TTC3: variants seen among roughly 807,000 people sequenced by gnomAD.
TTC3 encodes the protein E3 ubiquitin-protein ligase TTC3.
TTC3 carries 180 observed loss-of-function variants against 249.6 expected under a neutral mutation model. That is an observed-to-expected ratio of 0.72 (90% CI 0.64 to 0.82). TTC3 has a LOEUF of 0.82. Ranked by LOEUF, TTC3 falls within the 40% of genes least tolerant of loss-of-function variation. The pLI is 0.00. For synonymous variants in TTC3, 717 were observed against 805.0 expected, an observed-to-expected ratio of 0.89 and a Z score of 1.85; for missense variants, 2,061 against 2,398.4, an observed-to-expected ratio of 0.86 and a Z score of 2.94.
At chr21:37,153,472 T>C (rs1413304853) in intron 27 of TTC3, 195 bp downstream of exon 27, 1 of 564,870 alleles carries the variant, frequency 1.8e-6, no homozygotes, top group Non-Finnish European at 2.9e-6. Context: ...CTCAGGAATT[T>C]GAGACCAACC....
At chr21:37,099,505 A>G (rs1387158894) in intron 10 of TTC3, among the ~76,000 whole-genome samples, 2 of 152,222 alleles carry the variant, frequency 1.3e-5, no homozygotes, top group African/African-American at 4.8e-5. Flanking sequence ...AGGGAATGTG[A>G]AAGTCGAAAA....
chr21:37,099,955 C>T lies in TTC3; in HGVS notation c.845+3312C>T, dbSNP rs9977428. Reference sequence around the variant, plus strand: ...AATTCTATATGGCAGTTAAAATGAACGCAATGTTGAGTGAAAAAGCAAGTC... The same window carrying T: ...AATTCTATATGGCAGTTAAAATGAATGCAATGTTGAGTGAAAAAGCAAGTC... On this transcript the variant is annotated intron_variant, in intron 10 of 45. Transcript: ENST00000355666. 3.7e-3 allele frequency among the ~76,000 whole-genome samples: 570 copies of T among 152,226 alleles called. 5 individuals are homozygous for T. The highest frequency in any genetic ancestry group is 5.6e-3 in the African/African-American group (233 of 41,538).
intron 11 of TTC3, among the ~76,000 whole-genome samples, chr21:37,119,711 C>A (rs1250220237): frequency 6.6e-6 from 1 of 152,170 alleles, no homozygotes; most frequent in African/African-American, 2.4e-5. Flanking sequence ...TTCATACTCT[C>A]TTTTGTTGCC....
intron 20 of TTC3, among the ~76,000 whole-genome samples, chr21:37,143,446 A>C (rs943847219): frequency 1.4e-4 from 22 of 152,166 alleles, no homozygotes; most frequent in African/African-American, 3.1e-4. Flanking sequence ...ATGAACAGAC[A>C]CTTCTCAAAA....
chr21:37,140,109 ACAGAGCTTT>A (rs2078299440), intron 19 of TTC3, among the ~76,000 whole-genome samples: 6 of 152,204 alleles, frequency 3.9e-5, no homozygotes, highest in Admixed American at 2.6e-4. Flanking sequence ...TGTTTTTAAG[ACAGAGCTTT>A]CATCCGTCTT....
At chr21:37,092,711 G>A (rs190801136) in intron 7 of TTC3, among the ~76,000 whole-genome samples, 75 of 152,126 alleles carry the variant, frequency 4.9e-4, no homozygotes, top group Non-Finnish European at 8.7e-4. Context: ...ACTTTCTTAG[G>A]TCCTTTATTG....
At chr21:37,083,268 G>T (rs1403432041) in intron 1 of TTC3, 1 of 985,316 alleles carries the variant, frequency 1.0e-6, no homozygotes, top group Non-Finnish European at 1.2e-6. Context: ...GTTGTGGAGT[G>T]ACTGGGGATA....
At chr21:37,129,124 A>G in intron 16 of TTC3, 61 bp downstream of exon 16, 1 of 1,293,390 alleles carries the variant, frequency 7.7e-7, no homozygotes. Flanking sequence ...AAGAAAAAGG[A>G]AAAAAAATTG....
intron 10 of TTC3, among the ~76,000 whole-genome samples, chr21:37,105,550 CA>C (rs1280788372): frequency 1.3e-5 from 2 of 152,074 alleles, no homozygotes; most frequent in Admixed American, 6.6e-5. Flanking sequence ...GAAAAGTATA[CA>C]AGTGTTAAGT....
intron 17 of TTC3, 23 bp from the exon 18 acceptor site, chr21:37,135,355 CTG>C (rs766236975): frequency 3.1e-6 from 5 of 1,592,224 alleles, no homozygotes; most frequent in Non-Finnish European, 4.3e-6. Flanking sequence ...ATTCAGGTTA[CTG>C]AAATAGAATT....
chr21:37,196,236 T>C (rs1490897942), intron 42 of TTC3, among the ~76,000 whole-genome samples, 200 bp downstream of exon 42: 1 of 124,318 alleles, frequency 8.0e-6, no homozygotes, highest in Non-Finnish European at 1.6e-5. Flanking sequence ...GTTTTTTCTT[T>C]CTTTTTTTTT....
chr21:37,101,510 T>A (rs960027286), intron 10 of TTC3, among the ~76,000 whole-genome samples: 4 of 151,978 alleles, frequency 2.6e-5, no homozygotes, highest in African/African-American at 9.7e-5. Context: ...GTATACCCCC[T>A]TTTTAAAAAA....
intron 17 of TTC3, 101 bp downstream of exon 17, chr21:37,132,867 A>C: frequency 1.2e-6 from 1 of 843,534 alleles, no homozygotes; most frequent in South Asian, 2.3e-5. Context: ...AGTTTTTTTT[A>C]TATAATTATT....
chr21:37,090,625 T>C (rs2073143394), intron 6 of TTC3: 5 of 773,380 alleles, frequency 6.5e-6, no homozygotes, highest in Non-Finnish European at 6.3e-6. Flanking sequence ...TACTAGGTAA[T>C]CTCCAGATTC....
At chr21:37,181,214 CAT>C (rs2082731361) in intron 35 of TTC3, among the ~76,000 whole-genome samples, 1 of 152,184 alleles carries the variant, frequency 6.6e-6, no homozygotes, top group South Asian at 2.1e-4. Flanking sequence ...TGTATGTGCA[CAT>C]ATGTTTATAA....
intron 16 of TTC3, among the ~76,000 whole-genome samples, chr21:37,131,764 C>T (rs1158915598): frequency 6.6e-6 from 1 of 152,116 alleles, no homozygotes; most frequent in Non-Finnish European, 1.5e-5. Flanking sequence ...TTATTGCACA[C>T]TCATTTTGTG....
At position 37,082,796 on chromosome 21, in the gene TTC3, GA is replaced by G. The variant is rs2071883120; in HGVS notation, c.-11-4450del. 7 of 978,870 alleles carry G rather than the reference GA, an allele frequency of 7.2e-6. No individual in the cohort carries two copies. In the South Asian group the frequency reaches 2.4e-4, roughly 33 times the overall value. The allele number at this position is 978,870 out of a possible 1,614,324, so 60.6% of individuals were successfully genotyped here. A position where few individuals can be genotyped will look rare whatever the true frequency, so the allele number is the denominator to read the frequency against. Reference sequence around the variant, plus strand: ...GTGTATAGTTGACCATAACTGATGGGATCAGAAGCTCTTTATTTTAATATTT... The same window carrying G: ...GTGTATAGTTGACCATAACTGATGGGTCAGAAGCTCTTTATTTTAATATTT... On this transcript the variant is annotated intron_variant, in intron 1 of 45. Coordinates refer to ENST00000355666, the Ensembl canonical transcript of TTC3.
At chr21:37,198,135 A>G in intron 44 of TTC3, 110 bp downstream of exon 44, 2 of 1,294,648 alleles carry the variant, frequency 1.5e-6, no homozygotes, top group Non-Finnish European at 2.1e-6. Flanking sequence ...TTTGATCCCA[A>G]CATTAGAAAC....
rs1345736621 is a variant in TTC3 at position 37,091,168 on chromosome 21, A to C, written c.481-125A>C. 3 of 991,518 alleles carry C rather than the reference A, an allele frequency of 3.0e-6. No individual in the cohort carries two copies. The East Asian group carries it at 7.9e-5, about 26-fold the overall frequency. The allele number at this position is 991,518 out of a possible 1,614,324, so 61.4% of individuals were successfully genotyped here. ...TAAGTTACATGCCAGAGTAGCAAAA[A>C]ATAAGTGGTTGTACCAGTTTTGTAG... On this transcript the variant is annotated intron_variant, in intron 6 of 45. Coordinates refer to ENST00000355666, the Ensembl canonical transcript of TTC3.
Sources: allele counts gnomAD v4.1 joint callset (sites outside exome capture counted in the v4.1 genomes callset), GRCh38; gene constraint gnomAD v4.1.1; transcripts MANE v1.5; gene names NCBI Gene and HGNC (gene_info 2026-07-23, HGNC 2026-07-21).